KCNIP4: variants seen among roughly 807,000 people sequenced by gnomAD.
The protein encoded by KCNIP4 is Kv channel-interacting protein 4.
In KCNIP4, 12 loss-of-function variants were observed where a neutral mutation model predicts 34.0. That is an observed-to-expected ratio of 0.35 (90% CI 0.23 to 0.57). The LOEUF (loss-of-function observed/expected upper bound fraction) is 0.57. KCNIP4 is among the 20% of genes least tolerant of loss of function. KCNIP4 has a pLI of 0.83. For synonymous variants in KCNIP4, 124 were observed against 102.2 expected, an observed-to-expected ratio of 1.21 and a Z score of -1.29; for missense variants, 238 against 311.7, an observed-to-expected ratio of 0.76 and a Z score of 1.78.
chr4:21,079,244 C>T (rs1483704875), intron 1 of KCNIP4, among the ~76,000 whole-genome samples: 2 of 151,930 alleles, frequency 1.3e-5, no homozygotes, highest in African/African-American at 2.4e-5. Context: ...ACAATTGGCT[C>T]ATTTAAGTTT....
intron 1 of KCNIP4, among the ~76,000 whole-genome samples, chr4:21,872,664 T>C (rs1725885296): frequency 6.6e-6 from 1 of 152,196 alleles, no homozygotes; most frequent in South Asian, 2.1e-4. Context: ...TTACCATGAA[T>C]GTATTTCACT....
At chr4:21,111,724 G>A (rs1202875528) in intron 1 of KCNIP4, among the ~76,000 whole-genome samples, 2 of 152,152 alleles carry the variant, frequency 1.3e-5, no homozygotes, top group Non-Finnish European at 2.9e-5. Flanking sequence ...GGGGTCAGGG[G>A]TGGCTCAGAG....
chr4:21,227,365 G>A (rs1399705500), intron 1 of KCNIP4, among the ~76,000 whole-genome samples: 1 of 152,182 alleles, frequency 6.6e-6, no homozygotes, highest in Non-Finnish European at 1.5e-5. Flanking sequence ...CAGAGCAGGA[G>A]CAACAGTGCC....
chr4:21,375,466 G>A (rs908912704), intron 1 of KCNIP4, among the ~76,000 whole-genome samples: 1 of 152,156 alleles, frequency 6.6e-6, no homozygotes, highest in African/African-American at 2.4e-5. Context: ...AAGATAACAT[G>A]GGAAAATATA....
intron 3 of KCNIP4, among the ~76,000 whole-genome samples, chr4:20,783,114 C>A (rs1757007593): frequency 6.6e-6 from 1 of 152,210 alleles, no homozygotes; most frequent in South Asian, 2.1e-4. Context: ...TTCCTCATCT[C>A]CTTCTGAGAA....
At chr4:21,930,828 A>G (rs10017055) in intron 1 of KCNIP4, among the ~76,000 whole-genome samples, 39,060 of 152,012 alleles carry the variant, frequency 0.26, 5,946 homozygotes, top group East Asian at 0.62. Context: ...CACTTACGTC[A>G]TGTTGCTCTA....
At chr4:21,632,399 GT>G (rs34085035) in intron 1 of KCNIP4, among the ~76,000 whole-genome samples, 116,700 of 151,574 alleles carry the variant, frequency 0.77, 45,742 homozygotes, top group African/African-American at 0.92. Flanking sequence ...TTTTTCACTT[GT>G]TTTTTTTGTT....
At chr4:21,303,815 C>G in intron 1 of KCNIP4, 1 of 1,613,716 alleles carries the variant, frequency 6.2e-7, no homozygotes, top group Non-Finnish European at 8.5e-7. Flanking sequence ...ACCTTCTAAA[C>G]CTGCTTCAAT....
At chr4:20,962,757 T>C (rs1045863001) in intron 1 of KCNIP4, among the ~76,000 whole-genome samples, 5 of 152,052 alleles carry the variant, frequency 3.3e-5, no homozygotes, top group African/African-American at 1.2e-4. Context: ...TGAAGAAAAA[T>C]GTATAGATGA....
intron 1 of KCNIP4, among the ~76,000 whole-genome samples, chr4:21,631,123 G>A (rs1577721617): frequency 6.6e-6 from 1 of 152,208 alleles, no homozygotes; most frequent in South Asian, 2.1e-4. Flanking sequence ...AGTTATATAT[G>A]AATTTGTTAC....
intron 1 of KCNIP4, among the ~76,000 whole-genome samples, chr4:21,362,939 C>T (rs188307172): frequency 6.6e-6 from 1 of 152,174 alleles, no homozygotes; most frequent in African/African-American, 2.4e-5. Context: ...TGTTATTTAG[C>T]CATATCTCCA....
intron 1 of KCNIP4, among the ~76,000 whole-genome samples, chr4:21,898,185 A>T (rs980147326): frequency 2.0e-5 from 3 of 152,138 alleles, no homozygotes; most frequent in Admixed American, 6.5e-5. Context: ...TCCTCAATCA[A>T]CTTGAAAGGC....
chr4:21,046,014 T>C (rs1560674132), intron 1 of KCNIP4, among the ~76,000 whole-genome samples: 1 of 152,152 alleles, frequency 6.6e-6, no homozygotes, highest in Non-Finnish European at 1.5e-5. Flanking sequence ...TTTGATACGG[T>C]TGGCAAGGTG....
Position 21,699,743 on chromosome 4 carries a change from A to G in KCNIP4, c.61+248828T>C, listed in dbSNP as rs1426998589. The stretch of plus-strand genomic sequence containing the variant: ...ATTTTCATGGATAAAGTCCGGGGCT[A>G]CAGTATGTGAAGCCTTATAGCTGGG... On this transcript the variant is annotated intron_variant, in intron 1 of 8. Transcript: ENST00000382152. 2.6e-5 allele frequency among the ~76,000 whole-genome samples: 4 copies of G among 152,264 alleles called. No homozygotes were observed. In the East Asian group the frequency reaches 5.8e-4, roughly 22 times the overall value.
chr4:21,464,608 T>A (rs910940175), intron 1 of KCNIP4: 3 of 152,122 alleles, frequency 2.0e-5, no homozygotes, highest in Non-Finnish European at 4.4e-5. Flanking sequence ...CCCTAGCATA[T>A]AATCTATCCT....
chr4:21,326,154 G>A (rs975897372), intron 1 of KCNIP4, among the ~76,000 whole-genome samples: 3 of 151,728 alleles, frequency 2.0e-5, no homozygotes, highest in Admixed American at 2.0e-4. Flanking sequence ...TTGATTTTCT[G>A]TCTAGATGAT....
intron 1 of KCNIP4, among the ~76,000 whole-genome samples, chr4:21,521,111 A>ACACAGTGCTCCTTC (rs1322107287): frequency 6.6e-6 from 1 of 152,154 alleles, no homozygotes; most frequent in Non-Finnish European, 1.5e-5. Flanking sequence ...CAGCTTTGAA[A>ACACAGTGCTCCTTC]CACAGTGCTC....
intron 1 of KCNIP4, among the ~76,000 whole-genome samples, chr4:20,911,422 G>A (rs1728315041): frequency 1.3e-5 from 2 of 152,186 alleles, no homozygotes; most frequent in Non-Finnish European, 2.9e-5. Flanking sequence ...TAAAGTGTGA[G>A]TAGAAATAGA....
chr4:21,256,779 G>A (rs1252636862), intron 1 of KCNIP4, among the ~76,000 whole-genome samples: 3 of 152,172 alleles, frequency 2.0e-5, no homozygotes, highest in Non-Finnish European at 2.9e-5. Context: ...ATAATTGATT[G>A]TGCTTTGGGA....
Sources: gnomAD v4.1 joint callset for allele counts (sites outside exome capture counted in the v4.1 genomes callset) on GRCh38, gnomAD v4.1.1 for gene constraint, MANE v1.5 for transcripts, NCBI Gene and HGNC (gene_info 2026-07-23, HGNC 2026-07-21) for gene names.